Variants in EAF2 observed in about 807,000 individuals in gnomAD.
EAF2 encodes ELL-associated factor 2.
EAF2 carries 29 observed loss-of-function variants against 29.4 expected under a neutral mutation model. That is an observed-to-expected ratio of 0.99 (90% CI 0.73 to 1.35). EAF2 has a LOEUF of 1.35. Among genes scored for constraint, EAF2 ranks in the 40% most tolerant of loss-of-function variants. The pLI, the probability that EAF2 is intolerant of heterozygous loss-of-function variation, is 0.00. For synonymous variants in EAF2, 103 were observed against 102.5 expected (o/e 1.00, Z -0.03); for missense variants, 292 against 312.0 (o/e 0.94, Z 0.48).
chr3:121,880,897 CCTT>C (rs1709182406), intron 5 of EAF2, among the ~76,000 whole-genome samples: 1 of 152,116 alleles, frequency 6.6e-6, no homozygotes, highest in Non-Finnish European at 1.5e-5. Context: ...GAGGTACACT[CCTT>C]CTAGACCTAG....
At chr3:121,856,207 C>T (rs1708713476) in intron 3 of EAF2, among the ~76,000 whole-genome samples, 1 of 152,052 alleles carries the variant, frequency 6.6e-6, no homozygotes, top group South Asian at 2.1e-4. Flanking sequence ...TTAGTTTTAA[C>T]AGAAATGATA....
At chr3:121,865,674 A>AT (rs1401983466) in intron 4 of EAF2, among the ~76,000 whole-genome samples, 1 of 120,668 alleles carries the variant, frequency 8.3e-6, no homozygotes, top group Non-Finnish European at 1.8e-5. Flanking sequence ...AAAAAAAAAT[A>AT]TTTTTTTAAA....
Position 121,844,480 on chromosome 3 carries a change from C to T in EAF2, c.134C>T (p.Thr45Ile). The stretch of plus-strand genomic sequence containing the variant: ...GACTTCAAACCTGCTTCTATTGACA[C>T]TTCTTCTGAAGGATACCTTGAGGTT... ...RYDFKPASID[T>I]SSEGYLEVGE... Residue 45 changes from threonine (T) to isoleucine (I), a missense_variant, in exon 2 of 6, where the codon ACT (threonine) becomes ATT (isoleucine). Physicochemically the swap from Thr to Ile is moderately conservative, Grantham distance 89 (BLOSUM62 -1). Coordinates refer to ENST00000273668, the MANE Select transcript of EAF2 (RefSeq NM_018456.6). The T allele has an allele frequency of 6.2e-7, 1 of 1,609,554 alleles. No homozygotes were observed. The highest frequency in any genetic ancestry group is 1.3e-5 in the African/African-American group (1 of 74,798).
intron 5 of EAF2, among the ~76,000 whole-genome samples, chr3:121,878,189 AG>A (rs1709133904): frequency 6.6e-6 from 1 of 152,148 alleles, no homozygotes. Flanking sequence ...ATCTTTAACA[AG>A]GGCTGAGAAG....
At chr3:121,868,921 T>C (rs1708967774) in intron 4 of EAF2, among the ~76,000 whole-genome samples, 1 of 152,240 alleles carries the variant, frequency 6.6e-6, no homozygotes, top group Non-Finnish European at 1.5e-5. Flanking sequence ...ATACACATTT[T>C]GTTTCAAGTG....
intron 5 of EAF2, among the ~76,000 whole-genome samples, chr3:121,876,804 A>G (rs1157985178): frequency 6.6e-6 from 1 of 151,992 alleles, no homozygotes; most frequent in Non-Finnish European, 1.5e-5. Flanking sequence ...TTTATCTAGT[A>G]GAAAGCAGAG....
chr3:121,840,320 G>T (rs142191523), intron 1 of EAF2, among the ~76,000 whole-genome samples: 18,103 of 149,890 alleles, frequency 0.12, 1,211 homozygotes, highest in African/African-American at 0.17. Flanking sequence ...GAGAAAGCCC[G>T]TTTCTACTAA....
chr3:121,884,619 G>A (rs1183842945), intron 5 of EAF2, among the ~76,000 whole-genome samples: 2 of 151,850 alleles, frequency 1.3e-5, no homozygotes, highest in Non-Finnish European at 2.9e-5. Context: ...TAGAGACGGG[G>A]TTTCACCATG....
At position 121,886,447 on chromosome 3, in the gene EAF2, CAAT is replaced by C; in HGVS notation, c.*62_*64del. On this transcript the variant is annotated 3_prime_UTR_variant, in exon 6 of 6. Transcript: ENST00000273668. ...GCATGTATAATTTATTTTGTATTAA[CAAT>C]AAAAATTCCTAAGACTGAGGGAAAT... 9.6e-7 allele frequency: 1 copy of C among 1,043,250 alleles called. No homozygotes were observed. Among genetic ancestry groups the C allele is most frequent in the Non-Finnish European group, 1.3e-6 (1 of 763,896 alleles). The allele number at this position is 1,043,250 out of a possible 1,614,324, so 64.6% of individuals were successfully genotyped here. A position where few individuals can be genotyped will look rare whatever the true frequency, so the allele number is the denominator to read the frequency against.
At chr3:121,854,291 G>A (rs568046896) in intron 2 of EAF2, among the ~76,000 whole-genome samples, 20 of 146,874 alleles carry the variant, frequency 1.4e-4, no homozygotes, top group Non-Finnish European at 2.7e-4. Context: ...ACTCCAGCCC[G>A]GGCAACAGAG....
chr3:121,872,807 A>T lies in EAF2; in HGVS notation c.736+19A>T, dbSNP rs755495757. 6.3e-7 allele frequency: 1 copy of T among 1,589,418 alleles called. No homozygotes were observed. The highest frequency in any genetic ancestry group is 1.4e-5 in the African/African-American group (1 of 73,872). On this transcript the variant is annotated intron_variant, in intron 5 of 5. Transcript: ENST00000273668. ...ACTTTAAGTAAGTATACATAAACACAGGCAATTGGAAAAGTAAGAATTTAT... is the reference window on the plus strand; with the variant it reads ...ACTTTAAGTAAGTATACATAAACACTGGCAATTGGAAAAGTAAGAATTTAT...
chr3:121,857,145 A>T lies in EAF2; in HGVS notation c.473A>T (p.Asp158Val). The change falls in exon 4 of 6, where the codon GAT becomes GTT. Residue 158 changes from aspartate (D) to valine (V), a missense_variant. Asp to Val is a radical substitution (Grantham distance 152). Coordinates refer to ENST00000273668, the MANE Select transcript of EAF2 (RefSeq NM_018456.6). ...ATGTCCCCAGCATCTCCAATAGATGATATCGAAAGAGGTAAAATCTAAGTA... is the reference window on the plus strand; with the variant it reads ...ATGTCCCCAGCATCTCCAATAGATGTTATCGAAAGAGGTAAAATCTAAGTA... The part of the protein sequence containing the change: ...DKMSPASPID[D>V]IERELKAEAS... 1 of 1,608,986 alleles carries T rather than the reference A, an allele frequency of 6.2e-7. No individual in the cohort carries two copies. Among genetic ancestry groups the T allele is most frequent in the Non-Finnish European group, 8.5e-7 (1 of 1,178,346 alleles).
chr3:121,877,639 T>C (rs1709122587), intron 5 of EAF2, among the ~76,000 whole-genome samples: 1 of 40,234 alleles, frequency 2.5e-5, no homozygotes, highest in African/African-American at 8.6e-5. Context: ...TTACAAAATA[T>C]TTATAATTGA....
At chr3:121,865,866 A>G (rs913348711) in intron 4 of EAF2, among the ~76,000 whole-genome samples, 48 of 152,152 alleles carry the variant, frequency 3.2e-4, no homozygotes, top group African/African-American at 9.6e-4. Context: ...AGGTCCCTGC[A>G]AGTAGAATTC....
At chr3:121,868,887 T>C (rs192773493) in intron 4 of EAF2, among the ~76,000 whole-genome samples, 5 of 152,328 alleles carry the variant, frequency 3.3e-5, no homozygotes, top group East Asian at 1.9e-4. Flanking sequence ...TTGACAGATA[T>C]GTAACATGCC....
chr3:121,844,866 A>C (rs1228090660), intron 2 of EAF2, among the ~76,000 whole-genome samples: 1 of 152,190 alleles, frequency 6.6e-6, no homozygotes, highest in Non-Finnish European at 1.5e-5. Flanking sequence ...TCTAGTCCTA[A>C]TCTTTTATAG....
rs1430971750 is a variant in EAF2, at chr3:121,854,902, A to G, written c.338+79A>G. On this transcript the variant is annotated intron_variant, in intron 3 of 5. Transcript: ENST00000273668. The stretch of plus-strand genomic sequence containing the variant: ...GTCAATAAAAAATTTATTAAGTCAC[A>G]TTATAATATAGGAGTTATTTCTGTG... 3.1e-6 allele frequency: 4 copies of G among 1,271,778 alleles called. No individual in the cohort carries two copies. In the Admixed American group the frequency reaches 1.2e-4, roughly 38 times the overall value. The allele number at this position is 1,271,778 out of a possible 1,614,324, so 78.8% of individuals were successfully genotyped here.
At chr3:121,840,668 G>A (rs1708403584) in intron 1 of EAF2, among the ~76,000 whole-genome samples, 1 of 151,772 alleles carries the variant, frequency 6.6e-6, no homozygotes, top group Admixed American at 6.6e-5. Context: ...TTAGCCGGGA[G>A]TGGTGACGGG....
chr3:121,879,949 T>C (rs1245980067), intron 5 of EAF2, among the ~76,000 whole-genome samples: 2 of 152,178 alleles, frequency 1.3e-5, no homozygotes, highest in African/African-American at 2.4e-5. Context: ...AGGTATTGCA[T>C]TGGATCTGTA....
Sources: allele counts gnomAD v4.1 joint callset (sites outside exome capture counted in the v4.1 genomes callset), GRCh38; gene constraint gnomAD v4.1.1; transcripts MANE v1.5; gene names NCBI Gene and HGNC (gene_info 2026-07-23, HGNC 2026-07-21).